The following WDR36 variants were observed in gnomAD, a reference collection of about 807,000 sequenced individuals.
WDR36 encodes the protein WD repeat-containing protein 36.
Under a neutral mutation model 112.7 loss-of-function variants are expected in WDR36, and 63 were observed. The ratio of observed to expected loss-of-function variants is 0.56; its 90% CI spans 0.46 to 0.69. The LOEUF is 0.69. Among genes scored for constraint, WDR36 ranks in the 30% least tolerant of loss-of-function variants. WDR36 has a pLI of 0.00. For missense variants in WDR36, 1,226 were observed against 1,070.3 expected (o/e 1.15, Z -2.03); for synonymous variants, 410 against 362.2 (o/e 1.13, Z -1.50).
chr5:111,110,845 C>T lies in WDR36; in HGVS notation c.1499C>T (p.Thr500Ile). Residue 500 changes from threonine (T) to isoleucine (I), a missense_variant, in exon 14 of 23, where the codon ACA becomes ATA. Transcript: ENST00000513710. ...AVDGLNQLTVTTGSEGLLKFW... is the reference protein window; with the variant it reads ...AVDGLNQLTVITGSEGLLKFW... The stretch of plus-strand genomic sequence containing the variant: ...GATGGATTAAACCAGTTGACAGTTA[C>T]AACTGGTAGTGAAGGATTACTCAAA... 1.2e-6 allele frequency: 2 copies of T among 1,611,500 alleles called. No homozygotes were observed. Among genetic ancestry groups the T allele is most frequent in the Non-Finnish European group, 1.7e-6 (2 of 1,178,410 alleles).
chr5:111,113,902 T>C (rs891031568), intron 16 of WDR36, among the ~76,000 whole-genome samples: 2 of 152,220 alleles, frequency 1.3e-5, no homozygotes, highest in African/African-American at 4.8e-5. Flanking sequence ...AATCCATTAA[T>C]GAGGACAGAG....
At chr5:111,108,232 T>TTTTTG (rs1048087093) in intron 12 of WDR36, among the ~76,000 whole-genome samples, 1 of 151,120 alleles carries the variant, frequency 6.6e-6, no homozygotes, top group Admixed American at 6.6e-5. Context: ...AAGTAGAGTT[T>TTTTTG]TTTTGTTTTG....
intron 4 of WDR36, among the ~76,000 whole-genome samples, chr5:111,099,227 A>G (rs1753061101): frequency 6.6e-6 from 1 of 152,114 alleles, no homozygotes; most frequent in Admixed American, 6.6e-5. Flanking sequence ...AATCTGAAGG[A>G]AAATATACAT....
At chr5:111,121,304 G>C (rs907376832) in intron 19 of WDR36, among the ~76,000 whole-genome samples, 163 bp downstream of exon 19, 4 of 152,040 alleles carry the variant, frequency 2.6e-5, no homozygotes, top group Non-Finnish European at 5.9e-5. Flanking sequence ...AATATGGTAT[G>C]ATTATCACAA....
intron 11 of WDR36, 121 bp from the exon 12 acceptor site, chr5:111,107,173 A>G (rs1580396147): frequency 1.8e-6 from 2 of 1,098,180 alleles, no homozygotes; most frequent in South Asian, 2.9e-5. Context: ...TATTGCTATC[A>G]GATATTACCT....
intron 10 of WDR36, among the ~76,000 whole-genome samples, 175 bp from the exon 11 acceptor site, chr5:111,105,882 A>G (rs1366243528): frequency 6.6e-6 from 1 of 151,626 alleles, no homozygotes; most frequent in Non-Finnish European, 1.5e-5. Flanking sequence ...AATATCTAAA[A>G]TAACTTTTCT....
Position 111,110,182 on chromosome 5 carries a change from C to G in WDR36, c.1327-7C>G. The G allele has an allele frequency of 1.2e-6, 2 of 1,601,690 alleles. No individual in the cohort carries two copies. The highest frequency in any genetic ancestry group is 2.2e-5 in the South Asian group (2 of 90,800). ...ATTTTGTCATTTGTGGGTTTTTTTT[C>G]TTAAAGGCAGTGGATATAACTTCTT... On this transcript the variant is annotated splice_polypyrimidine_tract_variant and splice_region_variant and intron_variant, in intron 12 of 22. Transcript: ENST00000513710.
intron 4 of WDR36, among the ~76,000 whole-genome samples, chr5:111,099,360 CA>C (rs1274913440): frequency 1.3e-4 from 19 of 151,166 alleles, no homozygotes; most frequent in Non-Finnish European, 2.4e-4. Flanking sequence ...CACCTTTCCT[CA>C]ATAAAATACT....
At chr5:111,100,767 A>C in intron 5 of WDR36, 46 bp downstream of exon 5, 28 of 1,556,028 alleles carry the variant, frequency 1.8e-5, no homozygotes, top group Non-Finnish European at 2.5e-5. Context: ...CCTTATCCTC[A>C]TCTACTACTT....
At position 111,130,221 on chromosome 5, in the gene WDR36, C is replaced by G. The variant is rs1372288145; in HGVS notation, c.*3338C>G. The G allele has an allele frequency of 2.9e-5, 6 of 204,974 alleles. No individual in the cohort carries two copies. The South Asian group carries it at 5.7e-4, about 19-fold the overall frequency. The allele number at this position is 204,974 out of a possible 1,614,324, so 12.7% of individuals were successfully genotyped here. A position where few individuals can be genotyped will look rare whatever the true frequency, so the allele number is the denominator to read the frequency against. On this transcript the variant is annotated 3_prime_UTR_variant, in exon 23 of 23. Coordinates refer to ENST00000513710, the MANE Select transcript of WDR36 (RefSeq NM_139281.3). ...CAGGACCCCTGTGGATACCAAAATC[C>G]AAGCAATGCCCTGCAGATCATGGGA...
In WDR36 at chr5:111,104,744, C is replaced by T. The variant is rs753103289; in HGVS notation, c.954C>T (p.Phe318=). The T allele has an allele frequency of 1.9e-6, 3 of 1,611,364 alleles. No individual in the cohort carries two copies. The highest frequency in any genetic ancestry group is 2.5e-6 in the Non-Finnish European group (3 of 1,177,994). ...GPTGEGRLLR[F]RMGHSAPLTN... The stretch of plus-strand genomic sequence containing the variant: ...CAGGTGAAGGCCGACTTTTGAGATT[C>T]AGAATGGGTCATAGTGCTCCTCTTA... The change falls in exon 9 of 23, where the codon TTC becomes TTT. Residue 318 remains phenylalanine, a synonymous_variant. Transcript: ENST00000513710.
intron 15 of WDR36, among the ~76,000 whole-genome samples, 192 bp from the exon 16 acceptor site, chr5:111,112,882 C>G (rs1432127796): frequency 6.6e-6 from 1 of 150,750 alleles, no homozygotes; most frequent in Admixed American, 6.6e-5. Flanking sequence ...GTGGTATTTT[C>G]TTTTATATAA....
rs1484875790 is a variant in WDR36, at chr5:111,128,449, A to G, written c.*1566A>G. 1 of 181,282 alleles carries G rather than the reference A, an allele frequency of 5.5e-6. No individual in the cohort carries two copies. Among genetic ancestry groups the G allele is most frequent in the African/African-American group, 2.4e-5 (1 of 42,546 alleles). 11.2% of individuals were successfully genotyped at this position (181,282 alleles called of 1,614,324 possible). A position where few individuals can be genotyped will look rare whatever the true frequency, so the allele number is the denominator to read the frequency against. On this transcript the variant is annotated 3_prime_UTR_variant, in exon 23 of 23. Transcript: ENST00000513710. ...AAAGCCACTGACAGAAATGTTAATCATGACTTAAGTTCTAATTTAAAAAAC... is the reference window on the plus strand; with the variant it reads ...AAAGCCACTGACAGAAATGTTAATCGTGACTTAAGTTCTAATTTAAAAAAC...
intron 5 of WDR36, among the ~76,000 whole-genome samples, chr5:111,101,590 A>T (rs1399176902): frequency 6.6e-6 from 1 of 151,900 alleles, no homozygotes; most frequent in African/African-American, 2.4e-5. Flanking sequence ...AACATTTATC[A>T]GTAGAAAAAG....
At chr5:111,107,612 T>A (rs1307173179) in intron 12 of WDR36, among the ~76,000 whole-genome samples, 173 bp downstream of exon 12, 1 of 151,468 alleles carries the variant, frequency 6.6e-6, no homozygotes, top group African/African-American at 2.4e-5. Context: ...AAGAGTTTTC[T>A]AGTTTTAGCT....
At chr5:111,098,508 G>T (rs1367513905) in intron 3 of WDR36, among the ~76,000 whole-genome samples, 1 of 152,176 alleles carries the variant, frequency 6.6e-6, no homozygotes, top group Admixed American at 6.5e-5. Flanking sequence ...TTAATGGACA[G>T]TTTACTTCCT....
In WDR36 at chr5:111,113,141, T is replaced by A. The variant is rs1753380340; in HGVS notation, c.1784T>A (p.Leu595His). The A allele has an allele frequency of 6.3e-7, 1 of 1,587,898 alleles. No individual in the cohort carries two copies. The highest frequency in any genetic ancestry group is 1.4e-5 in the African/African-American group (1 of 73,800). Residue 595 changes from leucine to histidine, a missense_variant, in exon 16 of 23, where the codon CTT (leucine) becomes CAT (histidine). Coordinates refer to ENST00000513710, the MANE Select transcript of WDR36 (RefSeq NM_139281.3). ...AMDCSIRTWD[L>H]PSGCLIDCFL... ...GATTGCTCTATTAGGACTTGGGACC[T>A]TCCTTCTGGGTGGTAAGTTTATATT...
Position 111,104,891 on chromosome 5 carries a change from A to AT in WDR36, c.1027+77dup. On this transcript the variant is annotated intron_variant, in intron 9 of 22. Coordinates refer to ENST00000513710, the MANE Select transcript of WDR36 (RefSeq NM_139281.3). ...GTGGGTGCCCAGTATGAGGTTTGAT[A>AT]TTTACACATACTTAGATTCACATAT... 2.5e-6 allele frequency: 4 copies of AT among 1,593,448 alleles called. No homozygotes were observed. The South Asian group carries it at 4.4e-5, about 18-fold the overall frequency.
chr5:111,114,791 G>A (rs1233079257), intron 16 of WDR36, among the ~76,000 whole-genome samples: 1 of 152,164 alleles, frequency 6.6e-6, no homozygotes, highest in African/African-American at 2.4e-5. Context: ...AATTTGAATT[G>A]CTTTAAAATA....
Sources: gnomAD v4.1 joint callset for allele counts (sites outside exome capture counted in the v4.1 genomes callset) on GRCh38, gnomAD v4.1.1 for gene constraint, MANE v1.5 for transcripts, NCBI Gene and HGNC (gene_info 2026-07-23, HGNC 2026-07-21) for gene names.